ARHGAP20: variants seen among roughly 807,000 people sequenced by gnomAD.
The protein encoded by ARHGAP20 is Rho GTPase activating protein 20, also known as rho GTPase-activating protein 20.
ARHGAP20 carries 34 observed loss-of-function variants against 73.7 expected under a neutral mutation model. The ratio of observed to expected loss-of-function variants is 0.46; its 90% CI spans 0.35 to 0.61. The LOEUF (loss-of-function observed/expected upper bound fraction) is 0.61, where lower values mean the gene tolerates loss of function less well. Among genes scored for constraint, ARHGAP20 ranks in the 20% least tolerant of loss-of-function variants. The pLI, the probability that ARHGAP20 is intolerant of heterozygous loss-of-function variation, is 0.00. For synonymous variants in ARHGAP20, 523 were observed against 518.2 expected (o/e 1.01, Z -0.13); for missense variants, 1,314 against 1,420.9 (o/e 0.92, Z 1.21).
intron 1 of ARHGAP20, among the ~76,000 whole-genome samples, chr11:110,704,142 G>A (rs891107838): frequency 1.3e-4 from 20 of 152,142 alleles, no homozygotes; most frequent in African/African-American, 4.3e-4. Flanking sequence ...GCAGATCCAC[G>A]TCTATCTAGA....
At position 110,624,309 on chromosome 11, in the gene ARHGAP20, T is replaced by C. The variant is rs1948690708; in HGVS notation, c.356A>G (p.Tyr119Cys). 4 of 1,546,466 alleles carry C rather than the reference T, an allele frequency of 2.6e-6. No individual in the cohort carries two copies. Among genetic ancestry groups the C allele is most frequent in the East Asian group, 2.4e-5 (1 of 41,000 alleles). ...NDLFVVAKIKYNNNFKIKNKI... is the reference protein window; with the variant it reads ...NDLFVVAKIKCNNNFKIKNKI... ...ATTTTTTATCTTAAAGTTATTGTTA[T>C]ATCTAGAAAGATAAAAACCAAACAG... is the stretch of plus-strand genomic sequence containing the variant. Residue 119 changes from tyrosine to cysteine, a missense_variant and splice_region_variant, in exon 4 of 15, where the codon TAT becomes TGT. Coordinates refer to ENST00000683387, the MANE Select transcript of ARHGAP20 (RefSeq NM_001384657.1).
intron 2 of ARHGAP20, among the ~76,000 whole-genome samples, chr11:110,645,762 A>G (rs1013594495): frequency 1.1e-4 from 17 of 152,212 alleles, no homozygotes; most frequent in African/African-American, 4.1e-4. Context: ...AATGTGGTAC[A>G]TATTCACTAT....
intron 3 of ARHGAP20, among the ~76,000 whole-genome samples, chr11:110,627,776 G>A (rs1300278810): frequency 2.0e-5 from 3 of 152,108 alleles, no homozygotes; most frequent in Non-Finnish European, 4.4e-5. Flanking sequence ...GGTGCTCAAT[G>A]GCTATTATCA....
At chr11:110,697,570 T>C (rs1041968255) in intron 1 of ARHGAP20, among the ~76,000 whole-genome samples, 1 of 151,816 alleles carries the variant, frequency 6.6e-6, no homozygotes. Flanking sequence ...AGACGCTGTT[T>C]AGTTTAATTA....
intron 11 of ARHGAP20, among the ~76,000 whole-genome samples, chr11:110,586,799 G>A (rs1947680268): frequency 6.6e-6 from 1 of 152,148 alleles, no homozygotes; most frequent in Non-Finnish European, 1.5e-5. Context: ...ATAGAGAAGT[G>A]ACTAAAACAA....
chr11:110,603,849 A>T (rs1269562633), intron 9 of ARHGAP20, among the ~76,000 whole-genome samples: 2 of 152,204 alleles, frequency 1.3e-5, no homozygotes, highest in Non-Finnish European at 2.9e-5. Flanking sequence ...GGCAGTACAT[A>T]TGTGAGAAAA....
chr11:110,665,744 G>A (rs994466570), intron 2 of ARHGAP20, among the ~76,000 whole-genome samples: 52 of 152,148 alleles, frequency 3.4e-4, no homozygotes, highest in African/African-American at 9.9e-4. Context: ...GCATGTATGC[G>A]AGGAAATTAC....
chr11:110,608,737 T>C (rs963639227), intron 8 of ARHGAP20, among the ~76,000 whole-genome samples: 1 of 152,190 alleles, frequency 6.6e-6, no homozygotes, highest in Admixed American at 6.5e-5. Flanking sequence ...AACTCTTGTT[T>C]GTCAAATGAA....
At chr11:110,696,384 C>T (rs1950335991) in intron 1 of ARHGAP20, among the ~76,000 whole-genome samples, 1 of 151,598 alleles carries the variant, frequency 6.6e-6, no homozygotes, top group African/African-American at 2.4e-5. Context: ...GGCTCCAGCC[C>T]AGCAAACTGG....
chr11:110,667,099 A>T (rs1949739210), intron 2 of ARHGAP20, among the ~76,000 whole-genome samples: 1 of 152,254 alleles, frequency 6.6e-6, no homozygotes, highest in African/African-American at 2.4e-5. Context: ...AAGCTGTAGC[A>T]AGTTATCTAG....
intron 7 of ARHGAP20, among the ~76,000 whole-genome samples, chr11:110,609,538 G>C (rs1297978956): frequency 1.3e-5 from 2 of 152,186 alleles, no homozygotes; most frequent in African/African-American, 4.8e-5. Flanking sequence ...GTTTAGGCAA[G>C]TTCAGTCCTG....
chr11:110,712,748 C>G (rs1950699869), upstream of ARHGAP20: 1 of 152,444 alleles, frequency 6.6e-6, no homozygotes, highest in African/African-American at 2.4e-5. Context: ...CTGCCCACTC[C>G]CACCAGACCC....
chr11:110,656,494 T>C (rs1246393557), intron 2 of ARHGAP20, among the ~76,000 whole-genome samples: 1 of 152,154 alleles, frequency 6.6e-6, no homozygotes, highest in Non-Finnish European at 1.5e-5. Flanking sequence ...TTATTTCTAC[T>C]TCTTCCCCAG....
intron 3 of ARHGAP20, among the ~76,000 whole-genome samples, chr11:110,627,823 A>C (rs1347975610): frequency 1.3e-5 from 2 of 152,196 alleles, no homozygotes; most frequent in African/African-American, 4.8e-5. Context: ...AATGTTTGTA[A>C]AACAGATCCT....
intron 2 of ARHGAP20, among the ~76,000 whole-genome samples, chr11:110,672,255 T>C (rs1819695212): frequency 6.6e-6 from 1 of 152,162 alleles, no homozygotes; most frequent in South Asian, 2.1e-4. Context: ...TGATTATATA[T>C]ATTTGACAAA....
At chr11:110,625,354 T>C (rs1948722171) in intron 3 of ARHGAP20, among the ~76,000 whole-genome samples, 1 of 152,174 alleles carries the variant, frequency 6.6e-6, no homozygotes, top group Non-Finnish European at 1.5e-5. Context: ...ATTAAAATGT[T>C]TATAAAATTT....
chr11:110,619,981 G>T (rs1948594017), intron 4 of ARHGAP20, among the ~76,000 whole-genome samples: 1 of 152,080 alleles, frequency 6.6e-6, no homozygotes. Flanking sequence ...AAAGATTCTG[G>T]CAATTGTCAG....
At chr11:110,661,186 G>C (rs1362288224) in intron 2 of ARHGAP20, among the ~76,000 whole-genome samples, 5 of 152,082 alleles carry the variant, frequency 3.3e-5, no homozygotes, top group African/African-American at 1.2e-4. Flanking sequence ...ATAAAAAGCA[G>C]ATAATTATTA....
chr11:110,657,203 C>T (rs1264532737), intron 2 of ARHGAP20, among the ~76,000 whole-genome samples: 1 of 151,884 alleles, frequency 6.6e-6, no homozygotes, highest in Admixed American at 6.6e-5. Context: ...AATCCTTGGT[C>T]CTTTAAAATA....
Sources: allele counts gnomAD v4.1 joint callset (sites outside exome capture counted in the v4.1 genomes callset), GRCh38; gene constraint gnomAD v4.1.1; transcripts MANE v1.5; gene names NCBI Gene and HGNC (gene_info 2026-07-23, HGNC 2026-07-21).